ADAMTS3: variants seen among roughly 807,000 people sequenced by gnomAD.
ADAMTS3 encodes ADAM metallopeptidase with thrombospondin type 1 motif 3.
In ADAMTS3, 73 loss-of-function variants were observed where a neutral mutation model predicts 129.0. The ratio of observed to expected loss-of-function variants is 0.57; its 90% confidence interval spans 0.47 to 0.69. ADAMTS3 has a LOEUF of 0.69. Ranked by LOEUF, ADAMTS3 falls within the 30% of genes least tolerant of loss-of-function variation. ADAMTS3 has a pLI of 0.00. For missense variants in ADAMTS3, 1,457 were observed against 1,514.5 expected (o/e 0.96, Z 0.63); for synonymous variants, 477 against 510.8 (o/e 0.93, Z 0.89).
At chr4:72,472,132 T>C (rs1197511643) in intron 3 of ADAMTS3, among the ~76,000 whole-genome samples, 6 of 152,160 alleles carry the variant, frequency 3.9e-5, no homozygotes, top group African/African-American at 1.4e-4. Flanking sequence ...GAGACAGGGC[T>C]TGACAATATA....
At chr4:72,361,129 T>G (rs1720717891) in intron 4 of ADAMTS3, among the ~76,000 whole-genome samples, 1 of 152,160 alleles carries the variant, frequency 6.6e-6, no homozygotes, top group East Asian at 2.0e-4. Context: ...AACCCTCTTT[T>G]AAGATGTTTT....
intron 3 of ADAMTS3, among the ~76,000 whole-genome samples, chr4:72,543,764 A>T (rs750126594): frequency 6.6e-6 from 1 of 152,136 alleles, no homozygotes; most frequent in Non-Finnish European, 1.5e-5. Context: ...AGTTTTGCAA[A>T]ATGAAAAGAA....
chr4:72,477,587 C>T (rs1220576782), intron 3 of ADAMTS3, among the ~76,000 whole-genome samples: 1 of 151,902 alleles, frequency 6.6e-6, no homozygotes, highest in Non-Finnish European at 1.5e-5. Context: ...CAAGAGAAAG[C>T]AGGAAAGATC....
chr4:72,343,335 A>G (rs1195849824), intron 4 of ADAMTS3, among the ~76,000 whole-genome samples: 1 of 152,104 alleles, frequency 6.6e-6, no homozygotes, highest in Non-Finnish European at 1.5e-5. Flanking sequence ...TCACCTAGCA[A>G]GTTTCTAGCT....
intron 3 of ADAMTS3, among the ~76,000 whole-genome samples, chr4:72,442,702 AGATTGCCCAGAGG>A (rs1458567126): frequency 6.6e-6 from 1 of 151,822 alleles, no homozygotes; most frequent in African/African-American, 2.4e-5. Context: ...CACCTGAGAG[AGATTGCCCAGAGG>A]GATTGCTCCG....
At chr4:72,493,305 C>A (rs1341711890) in intron 3 of ADAMTS3, among the ~76,000 whole-genome samples, 7 of 151,806 alleles carry the variant, frequency 4.6e-5, no homozygotes, top group Non-Finnish European at 7.4e-5. Flanking sequence ...TCTGTCTCAT[C>A]CTCTTTTGTT....
intron 5 of ADAMTS3, among the ~76,000 whole-genome samples, chr4:72,333,475 C>G (rs1258131865): frequency 6.6e-6 from 1 of 152,170 alleles, no homozygotes; most frequent in Non-Finnish European, 1.5e-5. Flanking sequence ...TCCTCATTGT[C>G]TAATAAAGCA....
At chr4:72,317,261 T>C (rs766001792) in intron 10 of ADAMTS3, among the ~76,000 whole-genome samples, 4 of 152,208 alleles carry the variant, frequency 2.6e-5, no homozygotes, top group Non-Finnish European at 5.9e-5. Flanking sequence ...ATTCCACTTT[T>C]CCATGACATT....
chr4:72,477,533 C>T lies in ADAMTS3; in HGVS notation c.505-62562G>A, dbSNP rs373914592. On this transcript the variant is annotated intron_variant, in intron 3 of 21. Transcript: ENST00000286657. The stretch of plus-strand genomic sequence containing the variant: ...AACATACCAGAATCTCTGGGACACA[C>T]TCAAAGCAGTGTGTAGAGGGAAATT... Among the ~76,000 whole-genome samples, 435 of 151,840 alleles carry T rather than the reference C, an allele frequency of 2.9e-3. 4 individuals are homozygous for T. The highest frequency in any genetic ancestry group is 9.9e-3 in the African/African-American group (411 of 41,458).
At chr4:72,317,814 T>A (rs1719439074) in intron 10 of ADAMTS3, among the ~76,000 whole-genome samples, 1 of 152,006 alleles carries the variant, frequency 6.6e-6, no homozygotes, top group African/African-American at 2.4e-5. Flanking sequence ...GATCACAAGG[T>A]CAAGGAGTTT....
At position 72,569,203 on chromosome 4, in the gene ADAMTS3, G is replaced by A. The variant is rs1190834332; in HGVS notation, c.-441C>T. On this transcript the variant is annotated 5_prime_UTR_variant, in exon 1 of 22. Coordinates refer to ENST00000286657, the MANE Select transcript of ADAMTS3 (RefSeq NM_014243.3). ...AAGTATTAGCGAGAGAGACGAGCGA[G>A]CGGGAGCGGGAGAAAGAGGCAGGGA... 6.1e-6 allele frequency: 1 copy of A among 163,134 alleles called. No homozygotes were observed. 10.1% of individuals were successfully genotyped at this position (163,134 alleles called of 1,614,324 possible).
Position 72,318,576 on chromosome 4 carries a change from G to A in ADAMTS3, c.1481C>T (p.Thr494Ile), listed in dbSNP as rs745611319. ...CATCAACTGTGAGCAACATACCGCG[G>A]TGCACATTTTATAGCCAACACCAAA... ...FDFGVGYKMCTAFRTFDPCKQ... is the reference protein window; with the variant it reads ...FDFGVGYKMCIAFRTFDPCKQ... The change falls in exon 10 of 22, where the codon ACC (threonine) becomes ATC (isoleucine). Residue 494 changes from threonine (T) to isoleucine (I), a missense_variant. By Grantham distance (89) the Thr-to-Ile change is moderately conservative (BLOSUM62 -1). Coordinates refer to ENST00000286657, the MANE Select transcript of ADAMTS3 (RefSeq NM_014243.3). 6.2e-7 allele frequency: 1 copy of A among 1,613,498 alleles called. No homozygotes were observed. The highest frequency in any genetic ancestry group is 1.1e-5 in the South Asian group (1 of 90,962).
chr4:72,523,394 T>C (rs1454056876), intron 3 of ADAMTS3, among the ~76,000 whole-genome samples: 2 of 152,076 alleles, frequency 1.3e-5, no homozygotes, highest in Non-Finnish European at 1.5e-5. Context: ...CTATCCTATA[T>C]ATTTGATGGG....
At chr4:72,495,830 A>G (rs935128941) in intron 3 of ADAMTS3, among the ~76,000 whole-genome samples, 1 of 152,214 alleles carries the variant, frequency 6.6e-6, no homozygotes, top group African/African-American at 2.4e-5. Context: ...GTTAAAAGAT[A>G]GAACCATAAT....
intron 2 of ADAMTS3, among the ~76,000 whole-genome samples, chr4:72,554,155 G>T (rs947533073): frequency 1.3e-5 from 2 of 152,230 alleles, no homozygotes; most frequent in African/African-American, 4.8e-5. Flanking sequence ...GTATATATGT[G>T]CATGAGTGTA....
At chr4:72,492,319 G>C (rs1027774160) in intron 3 of ADAMTS3, among the ~76,000 whole-genome samples, 1 of 144,852 alleles carries the variant, frequency 6.9e-6, no homozygotes, top group Non-Finnish European at 1.5e-5. Context: ...GCTTATTCTT[G>C]TTTTTCTAGT....
intron 21 of ADAMTS3, 65 bp from the exon 22 acceptor site, chr4:72,283,769 A>C (rs1718423979): frequency 7.1e-7 from 1 of 1,403,270 alleles, no homozygotes; most frequent in Non-Finnish European, 9.4e-7. Flanking sequence ...GGAGGAAAAA[A>C]ATTAAAATTT....
chr4:72,366,511 C>T (rs11730766), intron 4 of ADAMTS3, among the ~76,000 whole-genome samples: 3,440 of 152,198 alleles, frequency 0.023, 69 homozygotes, highest in Non-Finnish European at 0.035. Context: ...TATTTGTTTT[C>T]CCAAGCTATG....
chr4:72,368,795 G>A (rs1480923950), intron 4 of ADAMTS3, among the ~76,000 whole-genome samples: 1 of 152,080 alleles, frequency 6.6e-6, no homozygotes, highest in African/African-American at 2.4e-5. Flanking sequence ...TAGATAGGAG[G>A]ACCTAGCATT....
Sources: allele counts gnomAD v4.1 joint callset (sites outside exome capture counted in the v4.1 genomes callset), GRCh38; gene constraint gnomAD v4.1.1; transcripts MANE v1.5; gene names NCBI Gene and HGNC (gene_info 2026-07-23, HGNC 2026-07-21).